PEAK1: variants seen among roughly 807,000 people sequenced by gnomAD.
PEAK1 encodes the protein pseudopodium enriched atypical kinase 1, also known as inactive tyrosine-protein kinase PEAK1.
Under a neutral mutation model 124.7 loss-of-function variants are expected in PEAK1, and 54 were observed. The observed-to-expected ratio is 0.43, with a 90% confidence interval of 0.35 to 0.54. The LOEUF (loss-of-function observed/expected upper bound fraction) is 0.54. Ranked by LOEUF, PEAK1 falls within the 20% of genes least tolerant of loss-of-function variation. The probability of loss-of-function intolerance (pLI) is 0.01; values close to 1 mark genes in which losing one functional copy is unlikely to be tolerated. For synonymous variants in PEAK1, 719 were observed against 760.0 expected (o/e 0.95, Z 0.89); for missense variants, 2,046 against 2,134.5 (o/e 0.96, Z 0.82).
chr15:77,358,963 A>G (rs17385352), intron 2 of PEAK1, among the ~76,000 whole-genome samples: 34,355 of 152,188 alleles, frequency 0.23, 4,324 homozygotes, highest in Middle Eastern at 0.3. Flanking sequence ...CACTTAGCAT[A>G]GGGTCTGGCA....
At chr15:77,304,769 A>G (rs970769614) in intron 2 of PEAK1, among the ~76,000 whole-genome samples, 1 of 152,056 alleles carries the variant, frequency 6.6e-6, no homozygotes, top group Non-Finnish European at 1.5e-5. Context: ...ATTTTCTTTC[A>G]TTTACACCTA....
At chr15:77,351,886 T>C (rs192697633) in intron 2 of PEAK1, 1 of 985,364 alleles carries the variant, frequency 1.0e-6, no homozygotes. Context: ...CCAGAAAGAA[T>C]AAAGTCTAAA....
At chr15:77,297,683 C>T (rs1297074519) in intron 2 of PEAK1, among the ~76,000 whole-genome samples, 4 of 139,782 alleles carry the variant, frequency 2.9e-5, no homozygotes, top group South Asian at 2.4e-4. Flanking sequence ...CGTGTGAATC[C>T]GGGAGGCAGA....
At chr15:77,182,376 A>C (rs530183648) in intron 6 of PEAK1, among the ~76,000 whole-genome samples, 1 of 152,002 alleles carries the variant, frequency 6.6e-6, no homozygotes, top group Admixed American at 6.6e-5. Context: ...TTCCCAGCCC[A>C]TTATAGATTC....
At chr15:77,342,499 G>C (rs925981639) in intron 2 of PEAK1, among the ~76,000 whole-genome samples, 1 of 150,732 alleles carries the variant, frequency 6.6e-6, no homozygotes, top group Non-Finnish European at 1.5e-5. Context: ...TGCAATTTCC[G>C]GGCTCAAGTG....
intron 5 of PEAK1, among the ~76,000 whole-genome samples, chr15:77,268,274 A>T (rs939557267): frequency 2.6e-5 from 4 of 152,192 alleles, no homozygotes; most frequent in Non-Finnish European, 2.9e-5. Flanking sequence ...CAGGAGTTTG[A>T]GACCAGCCTG....
chr15:77,407,429 AAAAC>A (rs1264549121), intron 1 of PEAK1, among the ~76,000 whole-genome samples: 1 of 152,198 alleles, frequency 6.6e-6, no homozygotes, highest in Non-Finnish European at 1.5e-5. Flanking sequence ...AGCAAGAAAA[AAAAC>A]AATCCATCAA....
intron 5 of PEAK1, among the ~76,000 whole-genome samples, chr15:77,283,420 A>T (rs1289295647): frequency 6.6e-6 from 1 of 152,180 alleles, no homozygotes; most frequent in African/African-American, 2.4e-5. Flanking sequence ...CATGTGGTCT[A>T]GAAAGTCAGT....
At chr15:77,334,301 G>C (rs577194613) in intron 2 of PEAK1, 1 of 985,080 alleles carries the variant, frequency 1.0e-6, no homozygotes, top group Non-Finnish European at 1.2e-6. Context: ...TAGTAATGCT[G>C]TCTTCTCTTT....
chr15:77,337,099 A>G, intron 2 of PEAK1: 1 of 981,054 alleles, frequency 1.0e-6, no homozygotes, highest in Non-Finnish European at 1.2e-6. Flanking sequence ...AAAGTAACCA[A>G]TCAAGATGCG....
intron 6 of PEAK1, among the ~76,000 whole-genome samples, chr15:77,203,949 A>C (rs2058499949): frequency 6.6e-6 from 1 of 152,224 alleles, no homozygotes; most frequent in Non-Finnish European, 1.5e-5. Flanking sequence ...TCTACTCTGC[A>C]AAAGATACTG....
exon 7 of PEAK1, chr15:77,102,133 A>G (rs1369135677): frequency 1.3e-5 from 2 of 152,194 alleles, no homozygotes; most frequent in Non-Finnish European, 2.9e-5. Flanking sequence ...TATTTTTATA[A>G]TCAATCAGAA....
At chr15:77,332,154 G>T in intron 2 of PEAK1, 1 of 935,492 alleles carries the variant, frequency 1.1e-6, no homozygotes, top group Non-Finnish European at 1.3e-6. Context: ...TTAAAAATAA[G>T]TTGCTTTAGA....
intron 2 of PEAK1, among the ~76,000 whole-genome samples, chr15:77,356,922 A>T (rs937679315): frequency 6.6e-6 from 1 of 152,218 alleles, no homozygotes; most frequent in Admixed American, 6.5e-5. Context: ...ACACGAATGA[A>T]GTAGATCTAC....
At chr15:77,419,673 C>A (rs1303865125) in intron 1 of PEAK1, 1 of 985,064 alleles carries the variant, frequency 1.0e-6, no homozygotes, top group Non-Finnish European at 1.2e-6. Flanking sequence ...CGCCCGGGGG[C>A]GTCCCTCGCG....
In PEAK1 at chr15:77,110,199, T is replaced by G. The variant is rs1414292053; in HGVS notation, c.*3957A>C. The G allele has an allele frequency of 6.6e-6, 1 of 152,176 alleles. No individual in the cohort carries two copies. The highest frequency in any genetic ancestry group is 1.9e-4 in the East Asian group (1 of 5,192). 9.4% of individuals were successfully genotyped at this position (152,176 alleles called of 1,614,324 possible). A position where few individuals can be genotyped will look rare whatever the true frequency, so the allele number is the denominator to read the frequency against. On this transcript the variant is annotated 3_prime_UTR_variant, in exon 10 of 10. Coordinates refer to ENST00000682557, the MANE Select transcript of PEAK1 (RefSeq NM_001385026.1). ...CCTTTGCCTCCTGGGTTCAAGAGAT[T>G]CTCTTGCCTCAGCCTCCCGAGTAGC...
chr15:77,324,384 G>A (rs1484412532), intron 2 of PEAK1, among the ~76,000 whole-genome samples: 1 of 152,118 alleles, frequency 6.6e-6, no homozygotes, highest in Admixed American at 6.5e-5. Flanking sequence ...AGGAGGCTAA[G>A]GCACGAGAAT....
intron 4 of PEAK1, among the ~76,000 whole-genome samples, chr15:77,284,504 C>T (rs895742506): frequency 6.6e-6 from 1 of 152,186 alleles, no homozygotes; most frequent in East Asian, 1.9e-4. Context: ...CTGAGCCCCA[C>T]CTCAAAGTCC....
chr15:77,348,082 A>AT (rs1470073222), intron 2 of PEAK1: 1 of 985,128 alleles, frequency 1.0e-6, no homozygotes, highest in African/African-American at 1.7e-5. Context: ...TTGGTCAGAC[A>AT]TTATTCATCT....
Sources: gnomAD v4.1 joint callset for allele counts (sites outside exome capture counted in the v4.1 genomes callset) on GRCh38, gnomAD v4.1.1 for gene constraint, MANE v1.5 for transcripts, NCBI Gene and HGNC (gene_info 2026-07-23, HGNC 2026-07-21) for gene names.